CSGALNACT1: variants seen among roughly 807,000 people sequenced by gnomAD.
CSGALNACT1 encodes beta4GalNAcT-1.
CSGALNACT1 carries 52 observed loss-of-function variants against 51.0 expected under a neutral mutation model. That is an observed-to-expected ratio of 1.02 (90% confidence interval 0.82 to 1.29). CSGALNACT1 has a LOEUF of 1.29. CSGALNACT1 is among the 50% of genes most tolerant of loss of function. The pLI, the probability that CSGALNACT1 is intolerant of heterozygous loss-of-function variation, is 0.00. For synonymous variants in CSGALNACT1, 341 were observed against 254.4 expected (o/e 1.34, Z -3.24); for missense variants, 935 against 679.2 (o/e 1.38, Z -4.19).
At chr8:19,639,361 G>A (rs1288398073) in intron 1 of CSGALNACT1, among the ~76,000 whole-genome samples, 1 of 152,098 alleles carries the variant, frequency 6.6e-6, no homozygotes, top group Non-Finnish European at 1.5e-5. Flanking sequence ...GTTGTTTTTG[G>A]ATTAATGAGA....
At chr8:19,484,091 G>T (rs1408957025) in intron 4 of CSGALNACT1, among the ~76,000 whole-genome samples, 1 of 152,182 alleles carries the variant, frequency 6.6e-6, no homozygotes, top group Non-Finnish European at 1.5e-5. Context: ...TCTCTTAGGA[G>T]CTGTCACAGT....
intron 1 of CSGALNACT1, among the ~76,000 whole-genome samples, chr8:19,675,786 C>T (rs1030020936): frequency 2.0e-5 from 3 of 152,076 alleles, no homozygotes; most frequent in Non-Finnish European, 2.9e-5. Flanking sequence ...CTGTGCCCTG[C>T]GCCCTAATTC....
chr8:19,440,278 A>G (rs901333434), intron 5 of CSGALNACT1, among the ~76,000 whole-genome samples: 2 of 152,214 alleles, frequency 1.3e-5, no homozygotes, highest in Admixed American at 6.5e-5. Flanking sequence ...AGACTATTTT[A>G]GACCAATATC....
At chr8:19,513,428 C>CTATATA (rs1369189523) in intron 3 of CSGALNACT1, among the ~76,000 whole-genome samples, 8 of 82,918 alleles carry the variant, frequency 9.6e-5, no homozygotes, top group South Asian at 3.9e-4. Flanking sequence ...CTCTCTCTCT[C>CTATATA]TCTCTCTCTA....
At chr8:19,597,285 C>CTTTT (rs35177349) in intron 2 of CSGALNACT1, among the ~76,000 whole-genome samples, 4 of 64,566 alleles carry the variant, frequency 6.2e-5, no homozygotes, top group South Asian at 7.6e-4. Flanking sequence ...TATCTTCTTT[C>CTTTT]TTTTTTTTTT....
intron 4 of CSGALNACT1, among the ~76,000 whole-genome samples, chr8:19,480,739 A>G (rs1407198335): frequency 6.6e-6 from 1 of 152,208 alleles, no homozygotes; most frequent in Admixed American, 6.5e-5. Context: ...ACGTGTATTT[A>G]CAGACAAGGG....
intron 1 of CSGALNACT1, among the ~76,000 whole-genome samples, chr8:19,666,990 A>G (rs2059353062): frequency 4.9e-5 from 1 of 20,306 alleles, no homozygotes. Flanking sequence ...AAAGAAAGAA[A>G]GAAAGAAAGA....
At chr8:19,736,568 C>T (rs1220691590) in intron 1 of CSGALNACT1, among the ~76,000 whole-genome samples, 1 of 151,084 alleles carries the variant, frequency 6.6e-6, no homozygotes, top group Non-Finnish European at 1.5e-5. Flanking sequence ...CATTACTTTT[C>T]AAAAAGCCAT....
chr8:19,744,852 C>T (rs998225715), intron 1 of CSGALNACT1, among the ~76,000 whole-genome samples: 1 of 152,196 alleles, frequency 6.6e-6, no homozygotes, highest in Non-Finnish European at 1.5e-5. Flanking sequence ...TGTCTACACA[C>T]TGTACTATAC....
At chr8:19,665,593 G>A (rs1484527899) in intron 1 of CSGALNACT1, among the ~76,000 whole-genome samples, 2 of 152,102 alleles carry the variant, frequency 1.3e-5, no homozygotes, top group Admixed American at 6.5e-5. Flanking sequence ...AGGAAGCCAC[G>A]GACTTTCCCA....
At chr8:19,652,345 G>T (rs979421071) in intron 1 of CSGALNACT1, among the ~76,000 whole-genome samples, 1 of 152,074 alleles carries the variant, frequency 6.6e-6, no homozygotes, top group Non-Finnish European at 1.5e-5. Context: ...GATCAAGGAG[G>T]GGGAGTTGAT....
chr8:19,539,449 T>C (rs1322898977), intron 3 of CSGALNACT1, among the ~76,000 whole-genome samples: 1 of 152,208 alleles, frequency 6.6e-6, no homozygotes, highest in East Asian at 1.9e-4. Flanking sequence ...CCGTAACCTC[T>C]GTCCTCAGCA....
chr8:19,505,446 T>C, exon 4 of CSGALNACT1: 1 of 1,614,202 alleles, frequency 6.2e-7, no homozygotes, highest in Non-Finnish European at 8.5e-7. Context: ...CACCTCTGCC[T>C]TGTCCACCTG....
chr8:19,541,223 G>T (rs2085039441), intron 3 of CSGALNACT1, among the ~76,000 whole-genome samples: 2 of 150,736 alleles, frequency 1.3e-5, no homozygotes, highest in Non-Finnish European at 2.9e-5. Flanking sequence ...GGAACCACAG[G>T]CACATGCCAC....
rs531398647 is a variant in CSGALNACT1, at chr8:19,647,202, C to G, written c.-544+35271G>C. Among the ~76,000 whole-genome samples, 8 of 152,270 alleles carry G rather than the reference C, an allele frequency of 5.3e-5. No individual in the cohort carries two copies. In the East Asian group the frequency reaches 1.5e-3, roughly 29 times the overall value. ...TTCTCACCCTGACCAGGTGCCATGT[C>G]CATTACACCTGCTATCCAACAAGTA... On this transcript the variant is annotated intron_variant, in intron 1 of 9. Transcript: ENST00000332246.
At chr8:19,649,845 A>AAAAAAAAAAAAAAAAC (rs1564347663) in intron 1 of CSGALNACT1, among the ~76,000 whole-genome samples, 1 of 143,510 alleles carries the variant, frequency 7.0e-6, no homozygotes, top group Non-Finnish European at 1.5e-5. Flanking sequence ...AAAAAAAAAA[A>AAAAAAAAAAAAAAAAC]CCACGGGGGG....
intron 1 of CSGALNACT1, among the ~76,000 whole-genome samples, chr8:19,640,081 G>A (rs2056561949): frequency 6.6e-6 from 1 of 151,736 alleles, no homozygotes. Context: ...CTGCTGATGA[G>A]ACCTTTCAAT....
intron 3 of CSGALNACT1, among the ~76,000 whole-genome samples, chr8:19,573,521 G>A (rs1351311111): frequency 6.6e-6 from 1 of 151,478 alleles, no homozygotes; most frequent in Non-Finnish European, 1.5e-5. Context: ...TCTGCTCACT[G>A]TAACCTCTGC....
intron 1 of CSGALNACT1, among the ~76,000 whole-genome samples, chr8:19,636,396 G>A (rs1325133127): frequency 6.6e-6 from 1 of 152,126 alleles, no homozygotes; most frequent in South Asian, 2.1e-4. Flanking sequence ...TGAGAATCTG[G>A]GAGCATATCC....
Sources: gnomAD v4.1 joint callset for allele counts (sites outside exome capture counted in the v4.1 genomes callset) on GRCh38, gnomAD v4.1.1 for gene constraint, MANE v1.5 for transcripts, NCBI Gene and HGNC (gene_info 2026-07-23, HGNC 2026-07-21) for gene names.